DLEU7: variants seen among roughly 807,000 people sequenced by gnomAD.
The protein encoded by DLEU7 is deleted in lymphocytic leukemia 7.
Under a neutral mutation model 16.0 loss-of-function variants are expected in DLEU7, and 17 were observed. That is an observed-to-expected ratio of 1.06 (90% CI 0.73 to 1.59). DLEU7 has a LOEUF of 1.59. DLEU7 is among the 40% of genes most tolerant of loss of function. The pLI, the probability that DLEU7 is intolerant of heterozygous loss-of-function variation, is 0.00. For missense variants in DLEU7, 308 were observed against 314.9 expected, an observed-to-expected ratio of 0.98 and a Z score of 0.17; for synonymous variants, 113 against 139.8, an observed-to-expected ratio of 0.81 and a Z score of 1.35.
downstream of DLEU7, chr13:50,711,761 T>G (rs1873289918): frequency 1.3e-5 from 1 of 75,684 alleles, no homozygotes; most frequent in Non-Finnish European, 2.3e-5. Flanking sequence ...ACCCTCACAA[T>G]GACCCAGTGG....
At chr13:50,769,233 A>T (rs1421112773) in intron 1 of DLEU7, among the ~76,000 whole-genome samples, 2 of 152,208 alleles carry the variant, frequency 1.3e-5, no homozygotes, top group Admixed American at 1.3e-4. Context: ...CCCATTCTGT[A>T]GGTTGCCTGT....
intron 1 of DLEU7, among the ~76,000 whole-genome samples, chr13:50,728,045 G>C (rs1264005417): frequency 6.6e-6 from 1 of 152,172 alleles, no homozygotes; most frequent in Non-Finnish European, 1.5e-5. Context: ...CTGACTTTTT[G>C]AGAGCAAGAC....
At chr13:50,718,432 C>A (rs2137703570) in intron 1 of DLEU7, among the ~76,000 whole-genome samples, 1 of 152,292 alleles carries the variant, frequency 6.6e-6, no homozygotes, top group African/African-American at 2.4e-5. Flanking sequence ...CCTGTGAAGA[C>A]CAAAGGCTCC....
At chr13:50,721,220 T>C (rs1873599783) in intron 1 of DLEU7, among the ~76,000 whole-genome samples, 1 of 152,240 alleles carries the variant, frequency 6.6e-6, no homozygotes. Context: ...GCTTTTGGAC[T>C]CTCGCACTTA....
At chr13:50,785,397 A>C (rs879696273) in intron 1 of DLEU7, among the ~76,000 whole-genome samples, 2 of 152,228 alleles carry the variant, frequency 1.3e-5, no homozygotes, top group Non-Finnish European at 2.9e-5. Context: ...TGGGGAGTAC[A>C]GAACAGTTTT....
intron 1 of DLEU7, among the ~76,000 whole-genome samples, chr13:50,753,574 G>A (rs1233771336): frequency 1.3e-5 from 2 of 152,218 alleles, no homozygotes; most frequent in South Asian, 2.1e-4. Context: ...CATTGCCCGG[G>A]GCCAGCAGGG....
chr13:50,830,119 GC>G (rs1566266854), intron 1 of DLEU7, among the ~76,000 whole-genome samples: 1 of 152,202 alleles, frequency 6.6e-6, no homozygotes, highest in Non-Finnish European at 1.5e-5. Flanking sequence ...ACATGGTTGA[GC>G]AATCTAAAAG....
upstream of DLEU7, chr13:50,843,747 C>T (rs541910127): frequency 2.3e-5 from 33 of 1,423,298 alleles, no homozygotes; most frequent in South Asian, 4.3e-4. The surrounding 1 kb of genome is among the most constrained non-coding windows in gnomAD (Gnocchi z 5.7). Context: ...TAACCCGCGG[C>T]TCCTCGGCCT....
chr13:50,810,895 T>C (rs1260289367), intron 1 of DLEU7, among the ~76,000 whole-genome samples: 1 of 152,202 alleles, frequency 6.6e-6, no homozygotes, highest in Non-Finnish European at 1.5e-5. Context: ...CTTTTAATGA[T>C]CTTGACCCCA....
chr13:50,744,103 C>G (rs1874324803), intron 1 of DLEU7, among the ~76,000 whole-genome samples: 1 of 152,030 alleles, frequency 6.6e-6, no homozygotes, highest in Non-Finnish European at 1.5e-5. Flanking sequence ...GTCATGTCAG[C>G]ATGACCACCA....
At chr13:50,787,834 C>A (rs566425323) in intron 1 of DLEU7, among the ~76,000 whole-genome samples, 1 of 152,064 alleles carries the variant, frequency 6.6e-6, no homozygotes, top group Non-Finnish European at 1.5e-5. Context: ...TCACTCTCCA[C>A]TCATGTTGGA....
chr13:50,793,486 C>T (rs1447909512), intron 1 of DLEU7, among the ~76,000 whole-genome samples: 1 of 152,178 alleles, frequency 6.6e-6, no homozygotes, highest in Non-Finnish European at 1.5e-5. Flanking sequence ...TATTAGGGTT[C>T]CCTTTTCTCT....
chr13:50,821,881 G>A (rs9535499), downstream of DLEU7, among the ~76,000 whole-genome samples: 1 of 151,882 alleles, frequency 6.6e-6, no homozygotes, highest in South Asian at 2.1e-4. Flanking sequence ...GAAAGGCATC[G>A]CCCCAGAATA....
intron 1 of DLEU7, among the ~76,000 whole-genome samples, chr13:50,734,680 G>A (rs1367429901): frequency 6.6e-6 from 1 of 152,098 alleles, no homozygotes. Flanking sequence ...AGATGAGGAC[G>A]AAGTAAAGGA....
At chr13:50,800,333 T>C (rs1225118271) in intron 1 of DLEU7, among the ~76,000 whole-genome samples, 1 of 152,068 alleles carries the variant, frequency 6.6e-6, no homozygotes, top group African/African-American at 2.4e-5. Context: ...TATTCAAAAA[T>C]ACCGACAAAA....
chr13:50,774,682 T>C (rs1332427685), intron 1 of DLEU7, among the ~76,000 whole-genome samples: 2 of 152,172 alleles, frequency 1.3e-5, no homozygotes, highest in Admixed American at 6.5e-5. Context: ...TGCAATTTTT[T>C]TTCTTGCTCC....
intron 1 of DLEU7, among the ~76,000 whole-genome samples, chr13:50,797,614 G>T (rs1167030041): frequency 6.6e-6 from 1 of 152,148 alleles, no homozygotes; most frequent in Admixed American, 6.5e-5. Flanking sequence ...AATGGCAATT[G>T]TTTATTCTCA....
At chr13:50,832,521 A>G (rs1299004893) in intron 1 of DLEU7, among the ~76,000 whole-genome samples, 1 of 152,098 alleles carries the variant, frequency 6.6e-6, no homozygotes, top group Non-Finnish European at 1.5e-5. Flanking sequence ...ATCTTCTGCT[A>G]GCTTTTGAAG....
At chr13:50,759,308 T>C (rs1301447539) in intron 1 of DLEU7, among the ~76,000 whole-genome samples, 1 of 152,198 alleles carries the variant, frequency 6.6e-6, no homozygotes, top group Non-Finnish European at 1.5e-5. Flanking sequence ...TAAAATCACT[T>C]AACTATTATG....
Sources: gnomAD v4.1 joint callset for allele counts (sites outside exome capture counted in the v4.1 genomes callset) on GRCh38, gnomAD v4.1.1 for gene constraint, Gnocchi (gnomAD v3.1) non-coding constraint, MANE v1.5 for transcripts, NCBI Gene and HGNC (gene_info 2026-07-23, HGNC 2026-07-21) for gene names.